The following P2RX3 variants were observed in gnomAD, a reference collection of about 807,000 sequenced individuals.
The protein encoded by P2RX3 is P2X purinoceptor 3.
Under a neutral mutation model 51.5 loss-of-function variants are expected in P2RX3, and 41 were observed. The observed-to-expected ratio is 0.80, with a 90% CI of 0.62 to 1.03. P2RX3 has a LOEUF of 1.03. P2RX3 is among the 50% of genes least tolerant of loss of function. The probability of loss-of-function intolerance (pLI) is 0.00; values close to 1 mark genes in which losing one functional copy is unlikely to be tolerated. For missense variants in P2RX3, 459 were observed against 522.1 expected (o/e 0.88, Z 1.18); for synonymous variants, 185 against 191.6 (o/e 0.97, Z 0.29).
chr11:57,358,726 A>T (rs1470599958), intron 8 of P2RX3, among the ~76,000 whole-genome samples: 1 of 152,350 alleles, frequency 6.6e-6, no homozygotes, highest in East Asian at 1.9e-4. Flanking sequence ...CTGCTGAAGC[A>T]TGCACTATTA....
chr11:57,347,306 G>A, intron 3 of P2RX3, 109 bp from the exon 4 acceptor site: 1 of 1,470,008 alleles, frequency 6.8e-7, no homozygotes, highest in African/African-American at 1.4e-5. Context: ...ACTGGGACCT[G>A]GGACCTCCAC....
chr11:57,368,383 C>T lies in P2RX3; in HGVS notation c.948C>T (p.Phe316=), dbSNP rs756408015. The T allele has an allele frequency of 5.0e-6, 8 of 1,614,038 alleles. No homozygotes were observed. The highest frequency in any genetic ancestry group is 1.7e-5 in the Admixed American group (1 of 59,998). Reference sequence around the variant, plus strand: ...CTTTGTGCACACAGGCTGGCAAGTTCAACATCATCCCCACCATCATCAGCT... The same window carrying T: ...CTTTGTGCACACAGGCTGGCAAGTTTAACATCATCCCCACCATCATCAGCT... ...DVLVYGNAGK[F]NIIPTIISSV... Residue 316 remains phenylalanine (F), a synonymous_variant, in exon 10 of 12, where the codon TTC becomes TTT. Transcript: ENST00000263314.
intron 10 of P2RX3, among the ~76,000 whole-genome samples, 171 bp from the exon 11 acceptor site, chr11:57,369,190 A>G (rs748981572): frequency 1.4e-4 from 21 of 152,174 alleles, no homozygotes; most frequent in Non-Finnish European, 2.6e-4. Flanking sequence ...ACGAGTTTGG[A>G]TGAGGACATT....
chr11:57,354,259 T>G (rs1454664176), intron 8 of P2RX3, among the ~76,000 whole-genome samples: 1 of 152,216 alleles, frequency 6.6e-6, no homozygotes, highest in African/African-American at 2.4e-5. Context: ...CTAAAGATTC[T>G]GTTCTTCCCC....
At chr11:57,353,841 C>G (rs1387042165) in intron 8 of P2RX3, among the ~76,000 whole-genome samples, 3 of 48,310 alleles carry the variant, frequency 6.2e-5, no homozygotes, top group South Asian at 2.4e-3. Context: ...TGTCACTCCC[C>G]CCCCCCCGCC....
intron 4 of P2RX3, among the ~76,000 whole-genome samples, chr11:57,347,812 T>A (rs1856469018): frequency 6.6e-6 from 1 of 152,004 alleles, no homozygotes; most frequent in South Asian, 2.1e-4. Flanking sequence ...GGTGGTGACA[T>A]TTGGGATGGT....
intron 1 of P2RX3, among the ~76,000 whole-genome samples, chr11:57,344,010 A>G (rs1176932876): frequency 6.6e-6 from 1 of 152,010 alleles, no homozygotes; most frequent in Admixed American, 6.5e-5. Context: ...TGAAATCTGA[A>G]TGAAACCCCT....
In P2RX3 at chr11:57,369,875, C is replaced by A; in HGVS notation, c.1081-9C>A. The A allele has an allele frequency of 6.3e-7, 1 of 1,590,696 alleles. No homozygotes were observed. The highest frequency in any genetic ancestry group is 8.6e-7 in the Non-Finnish European group (1 of 1,159,424). On this transcript the variant is annotated splice_polypyrimidine_tract_variant and intron_variant, in intron 11 of 11. Transcript: ENST00000263314. ...CAGAACTTGACAACACCAGCTCTTTCGCCTGCAGGTGAATGAGACTACGCT... is the reference window on the plus strand; with the variant it reads ...CAGAACTTGACAACACCAGCTCTTTAGCCTGCAGGTGAATGAGACTACGCT...
chr11:57,348,839 A>G (rs1213191067), intron 6 of P2RX3, 135 bp downstream of exon 6: 2 of 622,164 alleles, frequency 3.2e-6, no homozygotes, highest in Non-Finnish European at 2.8e-6. Context: ...CCCTGGGCCT[A>G]CCATTCCCAA....
At position 57,349,702 on chromosome 11, in the gene P2RX3, A is replaced by G. The variant is rs529080885; in HGVS notation, c.564-55A>G. ...GCTCCGGAAGGCGGGGAGAGATTGCACAAGACGATCTTCCCATGAACCCTG... is the reference window on the plus strand; with the variant it reads ...GCTCCGGAAGGCGGGGAGAGATTGCGCAAGACGATCTTCCCATGAACCCTG... On this transcript the variant is annotated intron_variant, in intron 6 of 11. Transcript: ENST00000263314. 49 of 1,610,646 alleles carry G rather than the reference A, an allele frequency of 3.0e-5. No individual in the cohort carries two copies. The African/African-American group carries it at 5.3e-4, about 18-fold the overall frequency.
upstream of P2RX3, among the ~76,000 whole-genome samples, chr11:57,336,757 G>A (rs1823822490): frequency 6.6e-6 from 1 of 152,130 alleles, no homozygotes; most frequent in African/African-American, 2.4e-5. Context: ...GAAGACATTA[G>A]TACAGAATAT....
At chr11:57,369,832 G>A (rs1309262347) in intron 11 of P2RX3, 52 bp from the exon 12 acceptor site, 1 of 1,300,164 alleles carries the variant, frequency 7.7e-7, no homozygotes, top group East Asian at 2.4e-5. Flanking sequence ...GGTCACAAAA[G>A]AGGACATTGC....
At chr11:57,340,071 G>C (rs187217654) in intron 1 of P2RX3, among the ~76,000 whole-genome samples, 6 of 152,322 alleles carry the variant, frequency 3.9e-5, no homozygotes, top group Middle Eastern at 3.4e-3. Flanking sequence ...AATGTTCGCT[G>C]TCTGCATCTC....
At chr11:57,351,482 G>A (rs1856547379) in intron 8 of P2RX3, among the ~76,000 whole-genome samples, 1 of 151,978 alleles carries the variant, frequency 6.6e-6, no homozygotes, top group Non-Finnish European at 1.5e-5. Flanking sequence ...GGATCTTTTC[G>A]GGTTTTGTTT....
At chr11:57,349,330 G>T (rs895012831) in intron 6 of P2RX3, among the ~76,000 whole-genome samples, 1 of 151,334 alleles carries the variant, frequency 6.6e-6, no homozygotes, top group East Asian at 1.9e-4. Context: ...GCCAGGCGCC[G>T]TGGCACACCC....
At chr11:57,345,990 C>T (rs71484445) in intron 1 of P2RX3, among the ~76,000 whole-genome samples, 4,729 of 152,112 alleles carry the variant, frequency 0.031, 91 homozygotes, top group Non-Finnish European at 0.043. Context: ...TGCCAAGCAC[C>T]GAGCTCCCAA....
chr11:57,337,414 A>C (rs1856253989), upstream of P2RX3, among the ~76,000 whole-genome samples: 1 of 151,828 alleles, frequency 6.6e-6, no homozygotes, highest in Admixed American at 6.6e-5. Context: ...AATCTAACAA[A>C]TGACTTTAAT....
chr11:57,357,331 G>T (rs1565069378), intron 8 of P2RX3, among the ~76,000 whole-genome samples: 1 of 152,070 alleles, frequency 6.6e-6, no homozygotes, highest in Non-Finnish European at 1.5e-5. Flanking sequence ...AATAAAAAAA[G>T]ATATAACAAC....
rs1856488898 is a variant in P2RX3 at position 57,348,710 on chromosome 11, T to C, written c.563+6T>C. 6.2e-7 allele frequency: 1 copy of C among 1,608,884 alleles called. No individual in the cohort carries two copies. Among genetic ancestry groups the C allele is most frequent in the Non-Finnish European group, 8.5e-7 (1 of 1,176,534 alleles). On this transcript the variant is annotated splice_donor_region_variant and intron_variant, in intron 6 of 11. Coordinates refer to ENST00000263314, the MANE Select transcript of P2RX3 (RefSeq NM_002559.5). ...CCCCTCTTCAACTTTGAGAAGTGAG[T>C]CCCCACTCCTTCCCTAAAGCCAAGA...
Sources: gnomAD v4.1 joint callset for allele counts (sites outside exome capture counted in the v4.1 genomes callset) on GRCh38, gnomAD v4.1.1 for gene constraint, MANE v1.5 for transcripts, NCBI Gene and HGNC (gene_info 2026-07-23, HGNC 2026-07-21) for gene names.